The following SPMAP2 variants were observed in gnomAD, a reference collection of about 807,000 sequenced individuals.
SPMAP2 encodes Theg homolog.
the SPMAP2 span, chr19:374,091 G>C: frequency 6.5e-7 from 1 of 1,528,278 alleles, no homozygotes; most frequent in Non-Finnish European, 9.0e-7. Flanking sequence ...ACTCTCCTTT[G>C]GCCACCGCCC....
the SPMAP2 span, among the ~76,000 whole-genome samples, chr19:372,106 A>T: frequency 1.3e-5 from 2 of 152,262 alleles, no homozygotes; most frequent in Admixed American, 1.3e-4. Flanking sequence ...CGTCTGTGTC[A>T]GAAGTGGTTC....
the SPMAP2 span, chr19:373,887 C>A: frequency 1.5e-5 from 23 of 1,557,682 alleles, no homozygotes; most frequent in African/African-American, 2.5e-4. Context: ...TCCCCTGGAA[C>A]CTGACACGTG....
the SPMAP2 span, chr19:371,172 G>A: frequency 1.2e-5 from 16 of 1,292,286 alleles, no homozygotes; most frequent in South Asian, 8.8e-5. Context: ...CCCGCCTGGC[G>A]GGGGTGAGTC....
At chr19:374,942 A>G in the SPMAP2 span, among the ~76,000 whole-genome samples, 1 of 152,220 alleles carries the variant, frequency 6.6e-6, no homozygotes, top group Non-Finnish European at 1.5e-5. Context: ...CGTTCTCCCC[A>G]GAATCCCCTC....
At chr19:371,200 C>T in the SPMAP2 span, 4 of 1,437,250 alleles carry the variant, frequency 2.8e-6, no homozygotes, top group East Asian at 2.7e-5. Context: ...GCACGGGGCA[C>T]CCACCTCAGA....
At chr19:362,402 C>T in the SPMAP2 span, 5 of 1,606,386 alleles carry the variant, frequency 3.1e-6, no homozygotes, top group African/African-American at 5.3e-5. Context: ...GTCAGGAACG[C>T]ACTTGTCCGA....
the SPMAP2 span, chr19:362,276 C>A: frequency 1.3e-6 from 2 of 1,598,014 alleles, no homozygotes; most frequent in Non-Finnish European, 1.7e-6. Flanking sequence ...GGCGAGGGGA[C>A]GCCTGTCGTA....
the SPMAP2 span, chr19:362,436 G>T: frequency 6.3e-7 from 1 of 1,590,524 alleles, no homozygotes; most frequent in East Asian, 2.3e-5. Flanking sequence ...CCTAGTGGGG[G>T]CAGAAGAGAA....
the SPMAP2 span, among the ~76,000 whole-genome samples, chr19:373,070 A>G: frequency 5.9e-5 from 9 of 152,126 alleles, no homozygotes; most frequent in Non-Finnish European, 1.3e-4. Flanking sequence ...GGGCCTAGTG[A>G]TGACTGTAGG....
At chr19:362,765 TAAAAAAAAAAAAAAAA>T in the SPMAP2 span, among the ~76,000 whole-genome samples, 5 of 57,484 alleles carry the variant, frequency 8.7e-5, 1 homozygote, top group Admixed American at 1.2e-3. Flanking sequence ...GACTCCATCT[TAAAAAAAAAAAAAAAA>T]AAAAAAAAAA....
chr19:368,022 G>A, the SPMAP2 span, among the ~76,000 whole-genome samples: 101 of 152,246 alleles, frequency 6.6e-4, no homozygotes, highest in Middle Eastern at 3.4e-3. This position sits in a 1 kb window ranked among gnomAD's most constrained non-coding sequence, Gnocchi z 4.1. Flanking sequence ...CGAGGCGGGA[G>A]ACCTTGCGGA....
the SPMAP2 span, among the ~76,000 whole-genome samples, chr19:371,007 C>A: frequency 6.6e-6 from 1 of 152,192 alleles, no homozygotes; most frequent in African/African-American, 2.4e-5. Context: ...TCCACCCGGA[C>A]TGAAGCGCAG....
At chr19:371,196 G>T in the SPMAP2 span, 1 of 1,428,512 alleles carries the variant, frequency 7.0e-7, no homozygotes, top group Non-Finnish European at 9.3e-7. Flanking sequence ...GGGGGCACGG[G>T]GCACCCACCT....
At chr19:372,546 C>T in the SPMAP2 span, 1 of 1,425,076 alleles carries the variant, frequency 7.0e-7, no homozygotes, top group Non-Finnish European at 9.9e-7. Context: ...TGGACCCTTT[C>T]CCACACAGCA....
chr19:375,973 A>C, the SPMAP2 span: 11 of 1,385,712 alleles, frequency 7.9e-6, no homozygotes, highest in Admixed American at 5.6e-5. Flanking sequence ...TCCCCCATAC[A>C]CCGGTCCCTT....
the SPMAP2 span, chr19:373,971 A>G: frequency 1.9e-6 from 3 of 1,613,662 alleles, no homozygotes; most frequent in Middle Eastern, 1.6e-4. Flanking sequence ...CTCATCTTAC[A>G]TGGGGAGATC....
the SPMAP2 span, among the ~76,000 whole-genome samples, chr19:375,072 C>T: frequency 2.0e-5 from 3 of 152,112 alleles, no homozygotes; most frequent in Non-Finnish European, 2.9e-5. Context: ...GGGGGCAGGT[C>T]GGGCACGTGC....
chr19:362,179 T>C, the SPMAP2 span: 31 of 1,451,718 alleles, frequency 2.1e-5, no homozygotes, highest in Non-Finnish European at 2.6e-5. Flanking sequence ...TGCCTGAGGG[T>C]GTTTACTGGG....
the SPMAP2 span, chr19:362,084 C>T: frequency 1.5e-6 from 1 of 652,046 alleles, no homozygotes; most frequent in Non-Finnish European, 2.4e-6. Flanking sequence ...TATTATTGTC[C>T]TCCTCATCCT....
Sources: gnomAD v4.1 joint callset for allele counts (sites outside exome capture counted in the v4.1 genomes callset) on GRCh38, gnomAD v4.1.1 for gene constraint, Gnocchi (gnomAD v3.1) non-coding constraint, MANE v1.5 for transcripts, NCBI Gene and HGNC (gene_info 2026-07-23, HGNC 2026-07-21) for gene names.